The following CKAP5 variants were observed in gnomAD, a reference collection of about 807,000 sequenced individuals.
CKAP5 encodes the protein cytoskeleton associated protein 5, also known as cytoskeleton-associated protein 5.
Under a neutral mutation model 232.8 loss-of-function variants are expected in CKAP5, and 27 were observed. The ratio of observed to expected loss-of-function variants is 0.12; its 90% CI spans 0.09 to 0.16. The LOEUF (loss-of-function observed/expected upper bound fraction) is 0.16. Among genes scored for constraint, CKAP5 ranks in the 10% least tolerant of loss-of-function variants. The pLI, the probability that CKAP5 is intolerant of heterozygous loss-of-function variation, is 1.00. For missense variants in CKAP5, 1,838 were observed against 2,424.7 expected (o/e 0.76, Z 5.08); for synonymous variants, 785 against 841.1 (o/e 0.93, Z 1.16).
chr11:46,802,906 T>C (rs1393195774), intron 8 of CKAP5, among the ~76,000 whole-genome samples: 2 of 152,176 alleles, frequency 1.3e-5, no homozygotes, highest in South Asian at 2.1e-4. Context: ...AGGCACTTTA[T>C]AATCCTTTTT....
intron 22 of CKAP5, among the ~76,000 whole-genome samples, chr11:46,777,844 A>G (rs914854355): frequency 6.6e-6 from 1 of 152,250 alleles, no homozygotes; most frequent in Non-Finnish European, 1.5e-5. Flanking sequence ...ATAAAAATCC[A>G]CATTTAAAAA....
At chr11:46,746,350 G>A (rs1321928557) in intron 42 of CKAP5, among the ~76,000 whole-genome samples, 3 of 152,118 alleles carry the variant, frequency 2.0e-5, no homozygotes, top group Admixed American at 2.0e-4. Context: ...TTTTCACTGT[G>A]GGGGCAGTAA....
chr11:46,832,267 G>GT (rs1256720802), intron 1 of CKAP5, among the ~76,000 whole-genome samples: 1 of 152,064 alleles, frequency 6.6e-6, no homozygotes, highest in African/African-American at 2.4e-5. Context: ...AAATCACTCA[G>GT]TAATATTATT....
intron 31 of CKAP5, 88 bp downstream of exon 31, chr11:46,762,539 G>C: frequency 1.3e-6 from 2 of 1,503,008 alleles, no homozygotes; most frequent in Non-Finnish European, 1.8e-6. Flanking sequence ...ATAGGCACTG[G>C]AGAAATTTAT....
In CKAP5 at chr11:46,744,501, C is replaced by T; in HGVS notation, c.5781G>A (p.Gly1927=). The change falls in exon 43 of 44, where the codon GGG becomes GGA. Residue 1927 remains glycine, a synonymous_variant. Coordinates refer to ENST00000529230, the MANE Select transcript of CKAP5 (RefSeq NM_001008938.4). The part of the protein sequence containing the change: ...STVSSIGNTN[G]EEVGPSVYLE... ...AGTAGACAGATGGCCCCACTTCTTCCCCATTTGTGTTACCTATGGAGGACA... is the reference window on the plus strand; with the variant it reads ...AGTAGACAGATGGCCCCACTTCTTCTCCATTTGTGTTACCTATGGAGGACA... The T allele has an allele frequency of 1.2e-6, 2 of 1,614,086 alleles. No homozygotes were observed. The highest frequency in any genetic ancestry group is 1.7e-6 in the Non-Finnish European group (2 of 1,180,022).
intron 35 of CKAP5, among the ~76,000 whole-genome samples, chr11:46,756,491 C>G (rs1485225251): frequency 1.3e-5 from 2 of 152,232 alleles, no homozygotes; most frequent in East Asian, 3.9e-4. Context: ...TGTTCCATAC[C>G]CTGATACTTT....
Position 46,818,345 on chromosome 11 carries a change from T to G in CKAP5, c.216A>C (p.Ala72=). 5.0e-6 allele frequency: 8 copies of G among 1,600,724 alleles called. No homozygotes were observed. The highest frequency in any genetic ancestry group is 6.8e-6 in the Non-Finnish European group (8 of 1,176,322). ...CATGGGCATTTTCAACATAAACAAG[T>G]GCAGCTTCTAATCCTTTCAATTGAA... ...AVVQLKGLEA[A]LVYVENAHVA... Residue 72 remains alanine (A), a synonymous_variant, in exon 3 of 44, where the codon GCA becomes GCC. Coordinates refer to ENST00000529230, the MANE Select transcript of CKAP5 (RefSeq NM_001008938.4).
intron 1 of CKAP5, among the ~76,000 whole-genome samples, chr11:46,839,028 AC>A (rs1939985979): frequency 6.6e-6 from 1 of 152,100 alleles, no homozygotes; most frequent in Non-Finnish European, 1.5e-5. Flanking sequence ...CACTGAGGTA[AC>A]CTCAAAGGAA....
intron 1 of CKAP5, among the ~76,000 whole-genome samples, chr11:46,842,644 C>T (rs993277665): frequency 6.6e-6 from 1 of 152,088 alleles, no homozygotes; most frequent in Non-Finnish European, 1.5e-5. Context: ...GGATTCAACC[C>T]GGAAGGTGGA....
chr11:46,845,746 C>A (rs867532016), intron 1 of CKAP5, among the ~76,000 whole-genome samples: 3 of 152,218 alleles, frequency 2.0e-5, no homozygotes, highest in African/African-American at 7.2e-5. Flanking sequence ...CACAGGTGTG[C>A]GGCCAGGCCC....
intron 23 of CKAP5, among the ~76,000 whole-genome samples, chr11:46,776,599 G>A (rs1024879384): frequency 7.2e-5 from 11 of 152,148 alleles, no homozygotes; most frequent in Non-Finnish European, 1.3e-4. Flanking sequence ...TAAAACTTGT[G>A]TACTCAGTTA....
chr11:46,840,287 G>C (rs1407268643), intron 1 of CKAP5, among the ~76,000 whole-genome samples: 1 of 151,790 alleles, frequency 6.6e-6, no homozygotes, highest in Non-Finnish European at 1.5e-5. Flanking sequence ...ACAGTAAATT[G>C]TTTGACAGAT....
intron 31 of CKAP5, 161 bp downstream of exon 31, chr11:46,762,466 T>C (rs769978478): frequency 5.2e-6 from 5 of 968,266 alleles, no homozygotes; most frequent in African/African-American, 4.8e-5. Context: ...CCTGATACCA[T>C]GGCTCCACCA....
intron 1 of CKAP5, 98 bp from the exon 2 acceptor site, chr11:46,821,366 C>A: frequency 1.2e-5 from 6 of 512,458 alleles, no homozygotes; most frequent in South Asian, 2.9e-5. Flanking sequence ...CATGCAACAA[C>A]AAGAGTAAAA....
At chr11:46,845,815 T>C (rs1409410428) in intron 1 of CKAP5, among the ~76,000 whole-genome samples, 1 of 152,174 alleles carries the variant, frequency 6.6e-6, no homozygotes, top group African/African-American at 2.4e-5. Context: ...ACAGCCCTCG[T>C]AGGCGCTTAC....
chr11:46,790,159 C>T lies in CKAP5; in HGVS notation c.1792G>A (p.Ala598Thr). 6.2e-7 allele frequency: 1 copy of T among 1,608,942 alleles called. No individual in the cohort carries two copies. Among genetic ancestry groups the T allele is most frequent in the Non-Finnish European group, 8.5e-7 (1 of 1,176,254 alleles). ...SIEVCEEKAS[A>T]VLPPTCIQLL... ...TGTATACAGGTAGGGGGAAGAACAG[C>T]TGAAGCTTTTTCTTCACATACTTCT... Residue 598 changes from alanine (A) to threonine (T), a missense_variant, in exon 15 of 44, where the codon GCT (alanine) becomes ACT (threonine). Around this residue, in one of 6 missense-constraint regions of CKAP5, gnomAD observed 767 missense variants for 954.6 expected, o/e 0.80. Coordinates refer to ENST00000529230, the MANE Select transcript of CKAP5 (RefSeq NM_001008938.4).
chr11:46,806,365 C>T (rs761886567), intron 8 of CKAP5, among the ~76,000 whole-genome samples: 9 of 152,258 alleles, frequency 5.9e-5, no homozygotes, highest in East Asian at 1.9e-4. Context: ...TTTGACACAT[C>T]GAGAATTCAG....
At chr11:46,796,607 C>A (rs1200924665) in intron 12 of CKAP5, among the ~76,000 whole-genome samples, 1 of 152,060 alleles carries the variant, frequency 6.6e-6, no homozygotes, top group Non-Finnish European at 1.5e-5. Context: ...AAACAACAGA[C>A]AAAATTGAAG....
intron 12 of CKAP5, among the ~76,000 whole-genome samples, chr11:46,796,216 CAAAAAA>C (rs1473768826): frequency 2.1e-5 from 3 of 141,426 alleles, no homozygotes; most frequent in Admixed American, 7.0e-5. Context: ...TCCCTTTCAA[CAAAAAA>C]GATAAATTAT....
Sources: allele counts gnomAD v4.1 joint callset (sites outside exome capture counted in the v4.1 genomes callset), GRCh38; gene constraint gnomAD v4.1.1; regional missense constraint gnomAD v4.1.1; transcripts MANE v1.5; gene names NCBI Gene and HGNC (gene_info 2026-07-23, HGNC 2026-07-21).